GPM6B: variants seen among roughly 807,000 people sequenced by gnomAD.
GPM6B encodes glycoprotein M6B.
GPM6B carries 4 observed loss-of-function variants against 27.2 expected under a neutral mutation model. The ratio of observed to expected loss-of-function variants is 0.15; its 90% CI spans 0.07 to 0.34. The LOEUF (loss-of-function observed/expected upper bound fraction) is 0.34. Ranked by LOEUF, GPM6B falls within the 10% of genes least tolerant of loss-of-function variation. The probability of loss-of-function intolerance (pLI) is 1.00; values close to 1 mark genes in which losing one functional copy is unlikely to be tolerated. For missense variants in GPM6B, 183 were observed against 261.9 expected, an observed-to-expected ratio of 0.70 and a Z score of 2.08; for synonymous variants, 124 against 103.1, an observed-to-expected ratio of 1.20 and a Z score of -1.23.
At chrX:13,791,629 T>A (rs1053673683) in intron 2 of GPM6B, among the ~76,000 whole-genome samples, 2 of 111,086 alleles carry the variant, frequency 1.8e-5, no homozygotes, top group East Asian at 2.8e-4. Flanking sequence ...AAAAAAAAAA[T>A]ACACATCAAT....
chrX:13,874,220 A>T (rs1038579623), intron 1 of GPM6B, among the ~76,000 whole-genome samples: 3 of 112,304 alleles, frequency 2.7e-5, no homozygotes, highest in Non-Finnish European at 3.8e-5. Flanking sequence ...TTTTTTAAAA[A>T]GCCTACACTT....
intron 1 of GPM6B, among the ~76,000 whole-genome samples, chrX:13,809,914 G>GC (rs2049093535): frequency 4.2e-5 from 1 of 23,551 alleles, no homozygotes; most frequent in Non-Finnish European, 6.9e-5. Context: ...TCCAGCCTGG[G>GC]CAAAAAAAAA....
At chrX:13,793,532 C>A (rs952408098) in intron 2 of GPM6B, among the ~76,000 whole-genome samples, 2 of 112,168 alleles carry the variant, frequency 1.8e-5, no homozygotes, top group African/African-American at 6.5e-5. Context: ...GAGTGAGAAA[C>A]CCTGCTCTAA....
chrX:13,861,585 A>G (rs2049853512), intron 1 of GPM6B, among the ~76,000 whole-genome samples: 1 of 111,980 alleles, frequency 8.9e-6, no homozygotes, highest in Admixed American at 9.5e-5. Context: ...TTTCTTGGCA[A>G]TCACGATAAA....
At chrX:13,844,863 C>G (rs911920077) in intron 1 of GPM6B, among the ~76,000 whole-genome samples, 1 of 112,058 alleles carries the variant, frequency 8.9e-6, no homozygotes, top group African/African-American at 3.2e-5. Flanking sequence ...ACAGAAAAGA[C>G]AATTCATTGT....
At chrX:13,808,550 G>C (rs1487378735) in intron 1 of GPM6B, among the ~76,000 whole-genome samples, 1 of 111,880 alleles carries the variant, frequency 8.9e-6, no homozygotes, top group East Asian at 2.8e-4. Flanking sequence ...ATAAAAGTTA[G>C]TTGAATTACA....
At chrX:13,841,575 G>T (rs767246049) in intron 1 of GPM6B, among the ~76,000 whole-genome samples, 4 of 111,443 alleles carry the variant, frequency 3.6e-5, no homozygotes, top group Non-Finnish European at 7.5e-5. Flanking sequence ...GGGGGCGGTG[G>T]TGGGAGGTGT....
rs373995174 is a variant in GPM6B at position 13,794,186 on chromosome X, CT to C, written c.182-8379del. On this transcript the variant is annotated intron_variant, in intron 2 of 7. Coordinates refer to ENST00000316715, the MANE Select transcript of GPM6B (RefSeq NM_001001995.3). ...GAGCAGTGGTTCTCTCTCTCTCTCT[CT>C]TTTTTTTTTTTTTCCCAGATACAAT... Among the ~76,000 whole-genome samples, 435 of 100,372 alleles carry C rather than the reference CT, an allele frequency of 4.3e-3. 4 individuals carry two copies. Among genetic ancestry groups the C allele is most frequent in the Middle Eastern group, 0.015 (3 of 202 alleles). The allele number at this position is 100,372 out of a possible 115,157, so 87.2% of individuals were successfully genotyped here.
chrX:13,786,924 A>G (rs2048622122), intron 2 of GPM6B, among the ~76,000 whole-genome samples: 1 of 108,200 alleles, frequency 9.2e-6, no homozygotes, highest in Non-Finnish European at 1.9e-5. Flanking sequence ...GTCTCTGTTT[A>G]TATTATCCAG....
intron 2 of GPM6B, among the ~76,000 whole-genome samples, chrX:13,794,593 G>A (rs1352023830): frequency 1.8e-5 from 2 of 111,736 alleles, no homozygotes; most frequent in African/African-American, 6.5e-5. Flanking sequence ...CATTTGCACA[G>A]TAAAACTGCT....
intron 1 of GPM6B, among the ~76,000 whole-genome samples, chrX:13,871,675 T>C (rs892796062): frequency 5.3e-5 from 6 of 112,477 alleles, no homozygotes; most frequent in African/African-American, 1.6e-4. Flanking sequence ...GAGGTAGAGC[T>C]GCTCTATAAC....
intron 1 of GPM6B, among the ~76,000 whole-genome samples, chrX:13,825,948 G>A (rs994526902): frequency 4.5e-5 from 5 of 111,660 alleles, no homozygotes; most frequent in African/African-American, 1.3e-4. Context: ...CTTCTGAAAT[G>A]GAAGTGAGGA....
intron 1 of GPM6B, among the ~76,000 whole-genome samples, chrX:13,901,909 T>C (rs2050285845): frequency 8.9e-6 from 1 of 112,125 alleles, no homozygotes; most frequent in Non-Finnish European, 1.9e-5. Context: ...CCTCTAATGT[T>C]GTTTTATTTT....
chrX:13,894,271 T>A (rs1373665854), intron 1 of GPM6B, among the ~76,000 whole-genome samples: 1 of 111,749 alleles, frequency 8.9e-6, no homozygotes, highest in Non-Finnish European at 1.9e-5. Context: ...CGGATGTGCA[T>A]CACAGCCACT....
At chrX:13,896,168 T>C (rs1048970883) in intron 1 of GPM6B, among the ~76,000 whole-genome samples, 2 of 98,500 alleles carry the variant, frequency 2.0e-5, no homozygotes, top group Admixed American at 1.1e-4. Flanking sequence ...CACTGCAGCC[T>C]TTTTTTCTCC....
intron 1 of GPM6B, among the ~76,000 whole-genome samples, chrX:13,919,639 ACAAT>A (rs1296874585): frequency 2.7e-5 from 3 of 112,572 alleles, no homozygotes; most frequent in South Asian, 3.7e-4. Context: ...AATATCTATT[ACAAT>A]CAATTTTATA....
chrX:13,924,836 G>A (rs6633429), intron 1 of GPM6B, among the ~76,000 whole-genome samples: 15,346 of 111,086 alleles, frequency 0.14, 803 homozygotes, highest in Admixed American at 0.19. Context: ...TATCAGGCAA[G>A]CAAAATTAAT....
chrX:13,886,004 A>C (rs1313320599), intron 1 of GPM6B, among the ~76,000 whole-genome samples: 1 of 112,720 alleles, frequency 8.9e-6, no homozygotes, highest in South Asian at 3.7e-4. Flanking sequence ...AATGCCTAAG[A>C]AGCACAAAAT....
intron 2 of GPM6B, among the ~76,000 whole-genome samples, chrX:13,796,711 A>G (rs1229518541): frequency 8.9e-6 from 1 of 112,581 alleles, no homozygotes; most frequent in Non-Finnish European, 1.9e-5. Context: ...TTGTCCTAAA[A>G]TCTGTTTAAT....
Sources: gnomAD v4.1 joint callset for allele counts (sites outside exome capture counted in the v4.1 genomes callset) on GRCh38, gnomAD v4.1.1 for gene constraint, MANE v1.5 for transcripts, NCBI Gene and HGNC (gene_info 2026-07-23, HGNC 2026-07-21) for gene names.